ATRNL1: variants seen among roughly 807,000 people sequenced by gnomAD.
The protein encoded by ATRNL1 is attractin like 1.
A neutral mutation model predicts 182.7 loss-of-function variants in ATRNL1; 95 were observed. The observed-to-expected ratio is 0.52, with a 90% CI of 0.44 to 0.62. The LOEUF is 0.62. Ranked by LOEUF, ATRNL1 falls within the 20% of genes least tolerant of loss-of-function variation. ATRNL1 has a pLI of 0.00. For missense variants in ATRNL1, 1,471 were observed against 1,679.5 expected, an observed-to-expected ratio of 0.88 and a Z score of 2.17; for synonymous variants, 576 against 568.3, an observed-to-expected ratio of 1.01 and a Z score of -0.19.
At chr10:115,840,770 C>A (rs1222900620) in intron 27 of ATRNL1, among the ~76,000 whole-genome samples, 4 of 151,770 alleles carry the variant, frequency 2.6e-5, no homozygotes, top group Admixed American at 2.0e-4. Flanking sequence ...TGGCTTCTTG[C>A]AGGTAGAGAG....
intron 1 of ATRNL1, among the ~76,000 whole-genome samples, chr10:115,116,536 T>C (rs1554870005): frequency 2.0e-5 from 3 of 152,038 alleles, no homozygotes; most frequent in Non-Finnish European, 4.4e-5. Context: ...TTCTAGACTG[T>C]AAAGAGGTCC....
chr10:115,661,485 T>A (rs1555037704), intron 26 of ATRNL1, among the ~76,000 whole-genome samples: 1 of 152,198 alleles, frequency 6.6e-6, no homozygotes, highest in Non-Finnish European at 1.5e-5. Flanking sequence ...TCTATGGTGA[T>A]ATCACTATGA....
intron 24 of ATRNL1, among the ~76,000 whole-genome samples, chr10:115,514,477 T>TG (rs1565121027): frequency 2.0e-5 from 3 of 151,232 alleles, no homozygotes; most frequent in Non-Finnish European, 4.4e-5. Context: ...TGGGCAGATG[T>TG]AAAAAAAATA....
intron 26 of ATRNL1, among the ~76,000 whole-genome samples, chr10:115,653,410 A>C (rs1860134654): frequency 6.6e-6 from 1 of 152,152 alleles, no homozygotes; most frequent in South Asian, 2.1e-4. Flanking sequence ...TTCTTGCCCC[A>C]GATTTTCTCT....
chr10:115,165,629 C>T lies in ATRNL1; in HGVS notation c.1076C>T (p.Ser359Phe). Residue 359 changes from serine to phenylalanine, a missense_variant, in exon 7 of 29, where the codon TCT (serine) becomes TTT (phenylalanine). Ser to Phe is a radical substitution (Grantham distance 155). Transcript: ENST00000355044. ...SRGPLQRYGH[S>F]LALYQENIFM... is the part of the protein sequence containing the mutation. ...GGACCTCTCCAGAGATATGGACACTCTCTTGCTTTATATCAGGTATGGCTC... is the reference window on the plus strand; with the variant it reads ...GGACCTCTCCAGAGATATGGACACTTTCTTGCTTTATATCAGGTATGGCTC... The T allele has an allele frequency of 6.6e-7, 1 of 1,522,518 alleles. No homozygotes were observed. Among genetic ancestry groups the T allele is most frequent in the Non-Finnish European group, 8.9e-7 (1 of 1,122,838 alleles). 94.3% of individuals were successfully genotyped at this position (1,522,518 alleles called of 1,614,324 possible).
intron 12 of ATRNL1, among the ~76,000 whole-genome samples, chr10:115,267,616 T>C (rs1404513719): frequency 2.0e-5 from 3 of 152,056 alleles, no homozygotes; most frequent in Non-Finnish European, 2.9e-5. Context: ...TATTTTTAAG[T>C]TTTACTAATC....
At chr10:115,509,910 T>C (rs1281872470) in intron 24 of ATRNL1, among the ~76,000 whole-genome samples, 2 of 152,008 alleles carry the variant, frequency 1.3e-5, no homozygotes, top group South Asian at 2.1e-4. Context: ...TTTGATAACA[T>C]TCATGATTCA....
Position 115,439,106 on chromosome 10 carries a change from A to G in ATRNL1, c.3322+12804A>G, listed in dbSNP as rs143177832. 8.0e-3 allele frequency among the ~76,000 whole-genome samples: 1,215 copies of G among 152,076 alleles called. 16 individuals are homozygous for G. The highest frequency in any genetic ancestry group is 0.027 in the African/African-American group (1,120 of 41,534). On this transcript the variant is annotated intron_variant, in intron 21 of 28. Coordinates refer to ENST00000355044, the MANE Select transcript of ATRNL1 (RefSeq NM_207303.4). ...AAATGTATTAAGAAAATAATAAGGA[A>G]GAGAAAATATATTTAGTATTCATTA...
At chr10:115,397,852 T>G (rs1844364652) in intron 20 of ATRNL1, among the ~76,000 whole-genome samples, 1 of 151,638 alleles carries the variant, frequency 6.6e-6, no homozygotes, top group South Asian at 2.1e-4. Context: ...AATTCATGAG[T>G]TTTCTTGAAA....
intron 21 of ATRNL1, among the ~76,000 whole-genome samples, chr10:115,429,933 T>C (rs1371225367): frequency 1.3e-4 from 19 of 151,902 alleles, no homozygotes; most frequent in Admixed American, 1.2e-3. Context: ...TAGCCGGGCG[T>C]GGTGGCGGGC....
At chr10:115,839,318 G>T (rs1334393519) in intron 27 of ATRNL1, among the ~76,000 whole-genome samples, 4 of 152,104 alleles carry the variant, frequency 2.6e-5, no homozygotes, top group Non-Finnish European at 4.4e-5. Flanking sequence ...TGCTGCACGT[G>T]TCCGTTTCCA....
At chr10:115,569,097 A>G (rs545694343) in intron 26 of ATRNL1, among the ~76,000 whole-genome samples, 96 of 152,224 alleles carry the variant, frequency 6.3e-4, no homozygotes, top group Admixed American at 1.1e-3. Flanking sequence ...TAGAAATATT[A>G]GAATGTGAAA....
At chr10:115,330,420 T>G (rs1016485181) in intron 18 of ATRNL1, among the ~76,000 whole-genome samples, 7 of 152,186 alleles carry the variant, frequency 4.6e-5, no homozygotes, top group Non-Finnish European at 7.3e-5. Flanking sequence ...TATTATTTTT[T>G]CTTTTTGTTC....
chr10:115,385,618 C>T (rs986767055), intron 19 of ATRNL1, among the ~76,000 whole-genome samples: 3 of 151,844 alleles, frequency 2.0e-5, no homozygotes, highest in Non-Finnish European at 4.4e-5. Context: ...GTATCACGTA[C>T]GTGAAATCTT....
intron 24 of ATRNL1, among the ~76,000 whole-genome samples, chr10:115,517,334 G>C (rs1850689867): frequency 6.6e-6 from 1 of 151,574 alleles, no homozygotes; most frequent in Non-Finnish European, 1.5e-5. Context: ...ATTAATATTG[G>C]TTTATATGTT....
chr10:115,445,681 A>G (rs1846944948), intron 21 of ATRNL1, among the ~76,000 whole-genome samples: 1 of 152,016 alleles, frequency 6.6e-6, no homozygotes. Flanking sequence ...AGTATATTAT[A>G]CACAGTTGTG....
At chr10:115,211,516 T>G (rs1399183061) in intron 8 of ATRNL1, among the ~76,000 whole-genome samples, 2 of 152,002 alleles carry the variant, frequency 1.3e-5, no homozygotes, top group Non-Finnish European at 2.9e-5. Context: ...TGTCTTGGCA[T>G]GGATATCTTT....
chr10:115,242,428 T>C (rs1208828079), intron 10 of ATRNL1, among the ~76,000 whole-genome samples: 2 of 151,974 alleles, frequency 1.3e-5, no homozygotes, highest in East Asian at 3.8e-4. Flanking sequence ...AGTGAAAACA[T>C]TGTTTTTCTA....
chr10:115,909,143 C>G (rs1484930423), intron 28 of ATRNL1, among the ~76,000 whole-genome samples: 2 of 152,156 alleles, frequency 1.3e-5, no homozygotes, highest in East Asian at 3.9e-4. Flanking sequence ...TGTTTTCTCT[C>G]TCCCCCTAGG....
Sources: allele counts gnomAD v4.1 joint callset (sites outside exome capture counted in the v4.1 genomes callset), GRCh38; gene constraint gnomAD v4.1.1; transcripts MANE v1.5; gene names NCBI Gene and HGNC (gene_info 2026-07-23, HGNC 2026-07-21).